Variants in PIK3CB observed in about 807,000 individuals in gnomAD.
The protein encoded by PIK3CB is phosphatidylinositol-4,5-bisphosphate 3-kinase catalytic subunit beta.
A neutral mutation model predicts 136.8 loss-of-function variants in PIK3CB; 39 were observed. That is an observed-to-expected ratio of 0.29 (90% CI 0.22 to 0.37). PIK3CB has a LOEUF of 0.37. Ranked by LOEUF, PIK3CB falls within the 10% of genes least tolerant of loss-of-function variation. PIK3CB has a pLI of 1.00. For synonymous variants in PIK3CB, 428 were observed against 436.6 expected (o/e 0.98, Z 0.25); for missense variants, 868 against 1,275.4 (o/e 0.68, Z 4.87).
chr3:138,784,581 C>T (rs1164108339), intron 2 of PIK3CB, among the ~76,000 whole-genome samples: 2 of 152,142 alleles, frequency 1.3e-5, no homozygotes, highest in Admixed American at 6.5e-5. Context: ...AGGCGCGCGC[C>T]GCCACGCCTG....
At chr3:138,815,139 CAAAAAAAAAA>C (rs71637082) in intron 1 of PIK3CB, among the ~76,000 whole-genome samples, 4 of 38,154 alleles carry the variant, frequency 1.0e-4, no homozygotes, top group African/African-American at 5.0e-4. Flanking sequence ...GACTCCGTCT[CAAAAAAAAAA>C]AAAAAAAAAA....
intron 1 of PIK3CB, among the ~76,000 whole-genome samples, chr3:138,820,900 T>C (rs1042538877): frequency 6.6e-6 from 1 of 152,216 alleles, no homozygotes; most frequent in African/African-American, 2.4e-5. Context: ...ACTTCAGGAA[T>C]TTTGCCATTA....
intron 2 of PIK3CB, among the ~76,000 whole-genome samples, chr3:138,785,389 G>T (rs560659912): frequency 1.3e-5 from 2 of 152,344 alleles, no homozygotes; most frequent in Admixed American, 1.3e-4. Flanking sequence ...AGGGGGAAAT[G>T]TGGGGAAAAG....
At chr3:138,694,275 A>G (rs1298744518) in intron 14 of PIK3CB, among the ~76,000 whole-genome samples, 1 of 152,038 alleles carries the variant, frequency 6.6e-6, no homozygotes, top group African/African-American at 2.4e-5. Flanking sequence ...TGCTAGGCAG[A>G]GGGTGCTTAT....
chr3:138,693,939 ATATATATATATATATATATATATATAT>A (rs1275759528), intron 14 of PIK3CB, among the ~76,000 whole-genome samples: 2,657 of 18,806 alleles, frequency 0.14, 121 homozygotes, highest in East Asian at 0.44. Flanking sequence ...TGCTTAAAAT[ATATATATATATATATATATATATATAT>A]TATATATATA....
chr3:138,686,936 A>G (rs1201422368), intron 16 of PIK3CB, among the ~76,000 whole-genome samples: 1 of 152,204 alleles, frequency 6.6e-6, no homozygotes, highest in African/African-American at 2.4e-5. Flanking sequence ...CAGTTTCAGG[A>G]GCTGTACAAA....
intron 2 of PIK3CB, among the ~76,000 whole-genome samples, chr3:138,795,522 T>C (rs1455117161): frequency 6.6e-6 from 1 of 151,896 alleles, no homozygotes; most frequent in Non-Finnish European, 1.5e-5. Flanking sequence ...TCCCAGCTAC[T>C]TGAGAGGCTG....
intron 8 of PIK3CB, among the ~76,000 whole-genome samples, chr3:138,722,221 G>GACACACACACACACAC (rs56139182): frequency 3.5e-5 from 5 of 144,162 alleles, no homozygotes; most frequent in African/African-American, 1.3e-4. Context: ...CTATGTAAGA[G>GACACACACACACACAC]ACACACACAC....
At chr3:138,833,153 G>A (rs1047208782) in intron 1 of PIK3CB, among the ~76,000 whole-genome samples, 2 of 149,142 alleles carry the variant, frequency 1.3e-5, no homozygotes, top group Admixed American at 6.7e-5. Context: ...TGCAACCTCC[G>A]CCTCCCGGGT....
chr3:138,801,889 GA>G (rs199714663), intron 1 of PIK3CB, among the ~76,000 whole-genome samples: 4,689 of 138,068 alleles, frequency 0.034, 265 homozygotes, highest in African/African-American at 0.12. Context: ...AAAAGATAAA[GA>G]AAAAAATTAG....
At chr3:138,788,964 C>CAAAAAAAAAAAAAAAAAAAAAAA (rs57432821) in intron 2 of PIK3CB, among the ~76,000 whole-genome samples, 2 of 89,490 alleles carry the variant, frequency 2.2e-5, no homozygotes, top group African/African-American at 9.2e-5. Context: ...GACTTCGTCT[C>CAAAAAAAAAAAAAAAAAAAAAAA]AAAAAAAAAA....
rs78001847 is a variant in PIK3CB, at chr3:138,730,307, G to C, written c.1050+3054C>G. Among the ~76,000 whole-genome samples, 1,311 of 152,198 alleles carry C rather than the reference G, an allele frequency of 8.6e-3. 28 individuals are homozygous for C. Among genetic ancestry groups the C allele is most frequent in the African/African-American group, 0.029 (1,189 of 41,518 alleles). The stretch of plus-strand genomic sequence containing the variant: ...CATAAAATGTCAATGACTTTATTGG[G>C]TTTCTGACCACTGACAAAGGAATAA... On this transcript the variant is annotated intron_variant, in intron 8 of 23. Coordinates refer to ENST00000674063, the MANE Select transcript of PIK3CB (RefSeq NM_006219.3).
chr3:138,706,521 T>G (rs141028946), intron 11 of PIK3CB, among the ~76,000 whole-genome samples: 1 of 152,250 alleles, frequency 6.6e-6, no homozygotes, highest in Non-Finnish European at 1.5e-5. Flanking sequence ...ACCTTTAATA[T>G]TTGAAACAAC....
At chr3:138,786,932 C>T (rs1470085469) in intron 2 of PIK3CB, among the ~76,000 whole-genome samples, 1 of 152,146 alleles carries the variant, frequency 6.6e-6, no homozygotes, top group Non-Finnish European at 1.5e-5. Context: ...TTCACAATAT[C>T]CTTACTGTCT....
At chr3:138,779,693 C>A (rs1457324729) in intron 2 of PIK3CB, among the ~76,000 whole-genome samples, 1 of 109,842 alleles carries the variant, frequency 9.1e-6, no homozygotes, top group Non-Finnish European at 1.9e-5. Context: ...TGCACCTGGC[C>A]AAATTTTTTT....
At chr3:138,664,171 C>A (rs28763909) in intron 20 of PIK3CB, 142 bp from the exon 21 acceptor site, 20,017 of 931,254 alleles carry the variant, frequency 0.021, 294 homozygotes, top group Non-Finnish European at 0.028. Context: ...ACATGTGGAT[C>A]AGCCAAGGGG....
chr3:138,731,787 A>G (rs1056934006), intron 8 of PIK3CB, among the ~76,000 whole-genome samples: 4 of 151,748 alleles, frequency 2.6e-5, no homozygotes, highest in African/African-American at 9.7e-5. Flanking sequence ...GTTCGAGACC[A>G]GCCTGGCCAA....
chr3:138,825,727 G>C (rs1374297285), intron 1 of PIK3CB: 4 of 683,050 alleles, frequency 5.9e-6, no homozygotes. Flanking sequence ...TATTGGTACT[G>C]TGCCTATAGG....
intron 10 of PIK3CB, among the ~76,000 whole-genome samples, chr3:138,709,976 G>A (rs1051642502): frequency 8.2e-5 from 12 of 146,884 alleles, no homozygotes; most frequent in African/African-American, 2.5e-4. Flanking sequence ...CCAGGAGTTC[G>A]AGACCAGCTT....
Sources: allele counts gnomAD v4.1 joint callset (sites outside exome capture counted in the v4.1 genomes callset), GRCh38; gene constraint gnomAD v4.1.1; transcripts MANE v1.5; gene names NCBI Gene and HGNC (gene_info 2026-07-23, HGNC 2026-07-21).